ADK: variants seen among roughly 807,000 people sequenced by gnomAD.
ADK encodes the protein N6,N6-dimethyladenosine kinase.
Under a neutral mutation model 44.7 loss-of-function variants are expected in ADK, and 24 were observed. The observed-to-expected ratio is 0.54, with a 90% CI of 0.39 to 0.76. The LOEUF (loss-of-function observed/expected upper bound fraction) is 0.76. Among genes scored for constraint, ADK ranks in the 30% least tolerant of loss-of-function variants. ADK has a pLI of 0.00. For missense variants in ADK, 321 were observed against 425.1 expected (o/e 0.76, Z 2.15); for synonymous variants, 128 against 142.6 (o/e 0.90, Z 0.73).
At chr10:74,610,095 A>T (rs1852485775) in intron 9 of ADK, among the ~76,000 whole-genome samples, 1 of 152,188 alleles carries the variant, frequency 6.6e-6, no homozygotes. Flanking sequence ...TGAAGCAGGA[A>T]CCTAAACAGA....
chr10:74,658,722 C>G (rs903006009), intron 9 of ADK, among the ~76,000 whole-genome samples: 2 of 152,068 alleles, frequency 1.3e-5, no homozygotes, highest in African/African-American at 4.8e-5. Flanking sequence ...AATCACCATG[C>G]CTGGCTGGAA....
chr10:74,296,713 A>T (rs1371275900), intron 3 of ADK, among the ~76,000 whole-genome samples: 1 of 150,618 alleles, frequency 6.6e-6, no homozygotes, highest in East Asian at 2.0e-4. Flanking sequence ...CCAGGTTCAC[A>T]CCATTCGCCT....
At chr10:74,468,164 G>A (rs1406940115) in intron 6 of ADK, among the ~76,000 whole-genome samples, 1 of 152,110 alleles carries the variant, frequency 6.6e-6, no homozygotes, top group Non-Finnish European at 1.5e-5. Context: ...AAGGCCCTTA[G>A]GAAGGTAGAT....
In ADK at chr10:74,406,707, G is replaced by A. The variant is rs543245952; in HGVS notation, c.555+8128G>A. On this transcript the variant is annotated intron_variant, in intron 6 of 10. Transcript: ENST00000539909. Reference sequence around the variant, plus strand: ...TTTTATTTTTATTTTTTGAGATGGAGTCTTGCTCTGTCACCCAGGCTGGAG... The same window carrying A: ...TTTTATTTTTATTTTTTGAGATGGAATCTTGCTCTGTCACCCAGGCTGGAG... Among the ~76,000 whole-genome samples the A allele has an allele frequency of 5.3e-3, 807 of 151,658 alleles. 1 individual carries two copies. Among genetic ancestry groups the A allele is most frequent in the Non-Finnish European group, 8.0e-3 (545 of 67,920 alleles).
chr10:74,208,794 T>A (rs1006528020), intron 2 of ADK, among the ~76,000 whole-genome samples: 5 of 152,122 alleles, frequency 3.3e-5, no homozygotes, highest in African/African-American at 1.2e-4. Flanking sequence ...TGCAGTGCAG[T>A]GGCGCAATCT....
intron 4 of ADK, among the ~76,000 whole-genome samples, chr10:74,370,267 C>T (rs916953141): frequency 2.0e-5 from 3 of 152,132 alleles, no homozygotes; most frequent in African/African-American, 7.2e-5. Flanking sequence ...ATTCAAATCC[C>T]TATACTACTG....
At chr10:74,382,682 C>T (rs957240432) in intron 4 of ADK, among the ~76,000 whole-genome samples, 1 of 151,938 alleles carries the variant, frequency 6.6e-6, no homozygotes, top group Admixed American at 6.6e-5. Flanking sequence ...TTATAAGATA[C>T]AGTATTTTAA....
intron 4 of ADK, among the ~76,000 whole-genome samples, chr10:74,363,318 C>A (rs1160406652): frequency 6.6e-6 from 1 of 152,142 alleles, no homozygotes; most frequent in Non-Finnish European, 1.5e-5. Flanking sequence ...GGATTGAGAG[C>A]CTGGTCTTGG....
At chr10:74,478,415 G>A (rs1846939271) in intron 6 of ADK, among the ~76,000 whole-genome samples, 1 of 152,142 alleles carries the variant, frequency 6.6e-6, no homozygotes, top group African/African-American at 2.4e-5. Context: ...ATAGAGATGA[G>A]TGTCAGTCTG....
intron 4 of ADK, among the ~76,000 whole-genome samples, chr10:74,354,159 TAAG>T (rs1405643982): frequency 6.6e-6 from 1 of 152,252 alleles, no homozygotes; most frequent in Non-Finnish European, 1.5e-5. Flanking sequence ...AAGTTGTGTG[TAAG>T]AATAGGAGAA....
At chr10:74,571,814 T>C (rs1377119095) in intron 7 of ADK, among the ~76,000 whole-genome samples, 1 of 152,216 alleles carries the variant, frequency 6.6e-6, no homozygotes, top group African/African-American at 2.4e-5. Context: ...AGTTATTTCT[T>C]GCCTTCTGCT....
At chr10:74,175,257 G>A (rs1842289543) in intron 1 of ADK, among the ~76,000 whole-genome samples, 1 of 151,982 alleles carries the variant, frequency 6.6e-6, no homozygotes, top group Admixed American at 6.6e-5. Context: ...GGTGGCGCAT[G>A]CCTGTAGTCC....
chr10:74,280,447 C>CACA (rs1554837542), intron 3 of ADK, among the ~76,000 whole-genome samples: 1 of 151,824 alleles, frequency 6.6e-6, no homozygotes, highest in Non-Finnish European at 1.5e-5. Flanking sequence ...CACACACACA[C>CACA]GTTTTTTAGA....
chr10:74,187,233 A>G (rs73282464), intron 1 of ADK, among the ~76,000 whole-genome samples: 5,823 of 152,184 alleles, frequency 0.038, 414 homozygotes, highest in African/African-American at 0.13. Flanking sequence ...TGAAGTGTCA[A>G]TTCATTTCTG....
intron 10 of ADK, among the ~76,000 whole-genome samples, chr10:74,688,905 C>G (rs1453695918): frequency 1.4e-5 from 2 of 142,248 alleles, no homozygotes; most frequent in Admixed American, 1.4e-4. Flanking sequence ...GTGTATGTGA[C>G]TAATCCAGAA....
At chr10:74,470,737 T>G (rs1159193378) in intron 6 of ADK, among the ~76,000 whole-genome samples, 1 of 152,072 alleles carries the variant, frequency 6.6e-6, no homozygotes, top group Non-Finnish European at 1.5e-5. Flanking sequence ...CTTCATAAGT[T>G]GCCTTTTTAC....
chr10:74,524,204 T>C (rs1471208726), intron 6 of ADK, among the ~76,000 whole-genome samples: 1 of 152,216 alleles, frequency 6.6e-6, no homozygotes, highest in Non-Finnish European at 1.5e-5. Context: ...ATTAAAGCTG[T>C]ACATAAATAG....
chr10:74,368,528 A>G (rs1324637809), intron 4 of ADK, among the ~76,000 whole-genome samples: 1 of 151,952 alleles, frequency 6.6e-6, no homozygotes, highest in East Asian at 1.9e-4. Context: ...CACACATCAG[A>G]TACTTCTAAC....
At chr10:74,523,092 T>C (rs1284529706) in intron 6 of ADK, among the ~76,000 whole-genome samples, 1 of 152,154 alleles carries the variant, frequency 6.6e-6, no homozygotes, top group African/African-American at 2.4e-5. Flanking sequence ...CTAAGAAACA[T>C]CTCTTAACTT....
Sources: gnomAD v4.1 joint callset for allele counts (sites outside exome capture counted in the v4.1 genomes callset) on GRCh38, gnomAD v4.1.1 for gene constraint, MANE v1.5 for transcripts, NCBI Gene and HGNC (gene_info 2026-07-23, HGNC 2026-07-21) for gene names.